The following SMC5 variants were observed in gnomAD, a reference collection of about 807,000 sequenced individuals.
The protein encoded by SMC5 is structural maintenance of chromosomes protein 5.
Under a neutral mutation model 148.3 loss-of-function variants are expected in SMC5, and 88 were observed. The observed-to-expected ratio is 0.59, with a 90% confidence interval of 0.50 to 0.71. The LOEUF is 0.71. Ranked by LOEUF, SMC5 falls within the 30% of genes least tolerant of loss-of-function variation. The pLI is 0.00. For missense variants in SMC5, 1,142 were observed against 1,298.9 expected (o/e 0.88, Z 1.86); for synonymous variants, 421 against 432.8 (o/e 0.97, Z 0.34).
At chr9:70,300,956 T>G (rs1226757681) in intron 10 of SMC5, among the ~76,000 whole-genome samples, 2 of 152,142 alleles carry the variant, frequency 1.3e-5, no homozygotes, top group African/African-American at 4.8e-5. Flanking sequence ...TCGTGAAAAA[T>G]TCTATTCTCT....
chr9:70,328,201 T>A (rs2036131110), intron 17 of SMC5, among the ~76,000 whole-genome samples: 1 of 152,154 alleles, frequency 6.6e-6, no homozygotes, highest in Admixed American at 6.5e-5. Context: ...TGTGTCCTTT[T>A]CATATTTCAG....
intron 17 of SMC5, among the ~76,000 whole-genome samples, chr9:70,326,614 AT>A (rs1375739129): frequency 4.1e-4 from 57 of 137,934 alleles, no homozygotes; most frequent in Non-Finnish European, 4.6e-4. Context: ...TTTTTTTTTA[AT>A]TTTTTTTTTT....
intron 17 of SMC5, among the ~76,000 whole-genome samples, 190 bp from the exon 18 acceptor site, chr9:70,343,954 G>T (rs2036592520): frequency 1.3e-5 from 2 of 152,118 alleles, no homozygotes; most frequent in South Asian, 4.1e-4. Flanking sequence ...TTGATGTGCT[G>T]ATGTATTTTA....
At chr9:70,308,549 C>T (rs1266119016) in intron 11 of SMC5, among the ~76,000 whole-genome samples, 13 of 128,362 alleles carry the variant, frequency 1.0e-4, no homozygotes, top group Non-Finnish European at 2.0e-4. Context: ...GAGCCAAGAT[C>T]ACGCCACTGC....
chr9:70,300,021 A>G (rs1390698468), intron 9 of SMC5, 25 bp from the exon 10 acceptor site: 2 of 1,536,126 alleles, frequency 1.3e-6, no homozygotes, highest in South Asian at 2.6e-5. Flanking sequence ...GAGAAACAAG[A>G]CTTTGTTTTG....
intron 19 of SMC5, 104 bp from the exon 20 acceptor site, chr9:70,346,962 C>A: frequency 2.4e-6 from 2 of 827,780 alleles, no homozygotes; most frequent in Non-Finnish European, 3.9e-6. Context: ...TGCCAGCATG[C>A]TGTTGAACAG....
In SMC5 at chr9:70,259,000, C is replaced by CTGGGTGGA. The variant is rs2034002081; in HGVS notation, c.-74_-67dup. The CTGGGTGGA allele has an allele frequency of 6.9e-7, 1 of 1,458,166 alleles. No individual in the cohort carries two copies. Among genetic ancestry groups the CTGGGTGGA allele is most frequent in the Admixed American group, 2.7e-5 (1 of 37,416 alleles). The allele number at this position is 1,458,166 out of a possible 1,614,324, so 90.3% of individuals were successfully genotyped here. A position where few individuals can be genotyped will look rare whatever the true frequency, so the allele number is the denominator to read the frequency against. ...GGCAGTTCGCGCGGGAGCGGGGCGC[C>CTGGGTGGA]TGGGTGGATGGGCGCTTGGGCGCCT... On this transcript the variant is annotated 5_prime_UTR_variant, in exon 1 of 25. It adds an upstream start codon to the 5' untranslated region. Transcript: ENST00000361138.
At chr9:70,279,149 A>G (rs773196948) in intron 5 of SMC5, among the ~76,000 whole-genome samples, 4 of 152,196 alleles carry the variant, frequency 2.6e-5, no homozygotes, top group Admixed American at 2.6e-4. Flanking sequence ...TATCCTTTGT[A>G]AAGGTGTTTT....
At chr9:70,296,234 C>A (rs2035197309) in intron 8 of SMC5, among the ~76,000 whole-genome samples, 2 of 152,104 alleles carry the variant, frequency 1.3e-5, no homozygotes, top group African/African-American at 4.8e-5. Context: ...TAATGAGAAA[C>A]TGCTCTCAAT....
intron 8 of SMC5, among the ~76,000 whole-genome samples, chr9:70,289,653 C>T (rs2035007096): frequency 6.6e-6 from 1 of 151,386 alleles, no homozygotes; most frequent in Non-Finnish European, 1.5e-5. Flanking sequence ...TGCTGTTAAC[C>T]AAGGTTTTCT....
At chr9:70,347,542 C>G in intron 20 of SMC5, 71 bp from the exon 21 acceptor site, 2 of 774,416 alleles carry the variant, frequency 2.6e-6, no homozygotes, top group Non-Finnish European at 4.1e-6. Flanking sequence ...ATGTTTTAAT[C>G]AATGCAAAAT....
At chr9:70,293,835 A>C (rs1255873004) in intron 8 of SMC5, among the ~76,000 whole-genome samples, 1 of 152,174 alleles carries the variant, frequency 6.6e-6, no homozygotes, top group Non-Finnish European at 1.5e-5. Flanking sequence ...TCCTAGGAGT[A>C]GAATATCATT....
chr9:70,262,901 A>G (rs2034177610), intron 1 of SMC5, among the ~76,000 whole-genome samples: 1 of 152,068 alleles, frequency 6.6e-6, no homozygotes, highest in South Asian at 2.1e-4. Flanking sequence ...GATTTTAAAC[A>G]GTGCAGACAC....
At chr9:70,339,981 C>T (rs2036476202) in intron 17 of SMC5, among the ~76,000 whole-genome samples, 1 of 147,614 alleles carries the variant, frequency 6.8e-6, no homozygotes, top group Non-Finnish European at 1.5e-5. Context: ...GGGCAGGTTT[C>T]CTAACCACTC....
At position 70,286,148 on chromosome 9, in the gene SMC5, T is replaced by G. The variant is rs894226692; in HGVS notation, c.982-52T>G. The G allele has an allele frequency of 6.9e-6, 8 of 1,162,154 alleles. No individual in the cohort carries two copies. The South Asian group carries it at 8.7e-5, about 13-fold the overall frequency. 72.0% of individuals were successfully genotyped at this position (1,162,154 alleles called of 1,614,324 possible). A position where few individuals can be genotyped will look rare whatever the true frequency, so the allele number is the denominator to read the frequency against. On this transcript the variant is annotated intron_variant, in intron 7 of 24. Transcript: ENST00000361138. ...AATGGGCAGGGCCATATAATTTGCT[T>G]GCATGAGTTTTTAACTAGCTGTCCC...
At chr9:70,338,778 G>C (rs1209550785) in intron 17 of SMC5, among the ~76,000 whole-genome samples, 1 of 152,002 alleles carries the variant, frequency 6.6e-6, no homozygotes, top group Non-Finnish European at 1.5e-5. Flanking sequence ...ACACACATAA[G>C]TAACTTTACT....
Position 70,322,716 on chromosome 9 carries a change from A to T in SMC5, c.2151-767A>T, listed in dbSNP as rs569512324. ...CCGGGCATGGCGGTGGGCGCCTGTA[A>T]TCCCAGCTTCTCGGGAGGCTGAGGC... On this transcript the variant is annotated intron_variant, in intron 15 of 24. Transcript: ENST00000361138. 2.6e-5 allele frequency among the ~76,000 whole-genome samples: 4 copies of T among 151,942 alleles called. No homozygotes were observed. The South Asian group carries it at 8.4e-4, about 32-fold the overall frequency.
intron 10 of SMC5, among the ~76,000 whole-genome samples, chr9:70,300,823 A>G (rs1357987117): frequency 1.3e-5 from 2 of 152,148 alleles, no homozygotes; most frequent in Non-Finnish European, 2.9e-5. Flanking sequence ...ATGAAAGAGT[A>G]AAAAACTAAC....
chr9:70,335,324 C>T (rs181376770), intron 17 of SMC5, among the ~76,000 whole-genome samples: 1 of 151,984 alleles, frequency 6.6e-6, no homozygotes. Context: ...CCTGTTTCTA[C>T]AAAAAGTTAA....
Sources: gnomAD v4.1 joint callset for allele counts (sites outside exome capture counted in the v4.1 genomes callset) on GRCh38, gnomAD v4.1.1 for gene constraint, MANE v1.5 for transcripts, NCBI Gene and HGNC (gene_info 2026-07-23, HGNC 2026-07-21) for gene names.